The following FIBP variants were observed in gnomAD, a reference collection of about 807,000 sequenced individuals.
FIBP encodes the protein FGF1 intracellular binding protein.
FIBP carries 29 observed loss-of-function variants against 40.5 expected under a neutral mutation model. The ratio of observed to expected loss-of-function variants is 0.72; its 90% CI spans 0.53 to 0.98. The LOEUF is 0.98. Ranked by LOEUF, FIBP falls within the 50% of genes least tolerant of loss-of-function variation. The pLI, the probability that FIBP is intolerant of heterozygous loss-of-function variation, is 0.00. For missense variants in FIBP, 411 were observed against 470.2 expected (o/e 0.87, Z 1.16); for synonymous variants, 215 against 191.1 (o/e 1.13, Z -1.03).
chr11:65,885,048 G>A (rs528431626), intron 6 of FIBP, 30 bp downstream of exon 6: 6 of 1,613,462 alleles, frequency 3.7e-6, no homozygotes, highest in South Asian at 3.3e-5. Context: ...CCTACTGCAG[G>A]CCCCGCCCCA....
At chr11:65,886,474 C>T (rs544111283) in intron 3 of FIBP, 52 bp from the exon 4 acceptor site, 111 of 1,223,016 alleles carry the variant, frequency 9.1e-5, no homozygotes, top group South Asian at 4.8e-5. Context: ...TACACTGTGT[C>T]GCTCACCCAA....
intron 5 of FIBP, 91 bp from the exon 6 acceptor site, chr11:65,885,277 CT>C (rs1860206393): frequency 1.1e-5 from 13 of 1,131,954 alleles, no homozygotes; most frequent in African/African-American, 1.1e-4. Context: ...TATTTCCCCC[CT>C]GGGGACAAAA....
intron 2 of FIBP, 96 bp downstream of exon 2, chr11:65,887,838 T>C (rs1860279661): frequency 1.9e-6 from 3 of 1,591,206 alleles, no homozygotes; most frequent in African/African-American, 2.7e-5. Context: ...TTCTGATGGC[T>C]GGGTAAATCC....
In FIBP at chr11:65,884,626, C is replaced by T. The variant is rs373746184; in HGVS notation, c.850G>A (p.Ala284Thr). The T allele has an allele frequency of 3.4e-5, 55 of 1,614,148 alleles. No individual in the cohort carries two copies. In the East Asian group the frequency reaches 6.7e-4, roughly 20 times the overall value. ...NLSRGLVNVA[A>T]KLTHNKDVRD... is the part of the protein sequence containing the mutation. ...ACATCTTTATTGTGGGTCAGCTTGG[C>T]GGCCACGTTCACCAGCCCCCGGGAC... The change falls in exon 8 of 10, where the codon GCC becomes ACC. Residue 284 changes from alanine to threonine, a missense_variant. Physicochemically the swap from Ala to Thr is moderately conservative, Grantham distance 58. Transcript: ENST00000357519.
rs375624677 is a variant in FIBP, at chr11:65,883,960, C to T, written c.*14G>A. 13 of 1,612,554 alleles carry T rather than the reference C, an allele frequency of 8.1e-6. No homozygotes were observed. In the African/African-American group the frequency reaches 1.1e-4, roughly 13 times the overall value. ...AACTTTATTGTCAGCGTGGGCGGAGCGTTGGGAGGCACCTCAGTCATGATA... is the reference window on the plus strand; with the variant it reads ...AACTTTATTGTCAGCGTGGGCGGAGTGTTGGGAGGCACCTCAGTCATGATA... On this transcript the variant is annotated 3_prime_UTR_variant, in exon 10 of 10. Transcript: ENST00000357519.
Position 65,885,133 on chromosome 11 carries a change from A to G in FIBP, c.700T>C (p.Leu234=). The part of the protein sequence containing the change: ...MDLDKEFLQD[L]KELKVLVADK... ...GCCACTAGCACCTTGAGCTCCTTCA[A>G]GTCCTGGAGAAATTCCTTGTCTAAG... Residue 234 remains leucine (L), a synonymous_variant, in exon 6 of 10, where the codon TTG becomes CTG. Coordinates refer to ENST00000357519, the MANE Select transcript of FIBP (RefSeq NM_004214.5). 1 of 1,438,988 alleles carries G rather than the reference A, an allele frequency of 6.9e-7. No individual in the cohort carries two copies. Among genetic ancestry groups the G allele is most frequent in the Non-Finnish European group, 9.3e-7 (1 of 1,070,036 alleles). The allele number at this position is 1,438,988 out of a possible 1,614,324, so 89.1% of individuals were successfully genotyped here. A position where few individuals can be genotyped will look rare whatever the true frequency, so the allele number is the denominator to read the frequency against.
chr11:65,886,187 A>AAG, intron 4 of FIBP, 135 bp downstream of exon 4: 1 of 538,528 alleles, frequency 1.9e-6, no homozygotes, highest in Non-Finnish European at 3.3e-6. Flanking sequence ...AAAAAAAAAA[A>AAG]AAAGTACAGA....
intron 6 of FIBP, 21 bp from the exon 7 acceptor site, chr11:65,885,019 G>A (rs745631961): frequency 5.0e-6 from 8 of 1,613,982 alleles, no homozygotes; most frequent in African/African-American, 2.7e-5. Flanking sequence ...ACAGGGTCAC[G>A]CCTATAGCCA....
rs1236132882 is a variant in FIBP, at chr11:65,883,893, C to A, written c.*81G>T. The A allele has an allele frequency of 4.0e-6, 5 of 1,257,522 alleles. No homozygotes were observed. The highest frequency in any genetic ancestry group is 2.9e-5 in the African/African-American group (2 of 68,308). 77.9% of individuals were successfully genotyped at this position (1,257,522 alleles called of 1,614,324 possible). On this transcript the variant is annotated 3_prime_UTR_variant, in exon 10 of 10. Coordinates refer to ENST00000357519, the MANE Select transcript of FIBP (RefSeq NM_004214.5). ...GACACAGGCACATCTGCACGCCCCC[C>A]ACTTGCTCCCCGGAGCGAGGACCAG...
chr11:65,884,512 A>G, intron 8 of FIBP, 23 bp from the exon 9 acceptor site: 2 of 1,614,148 alleles, frequency 1.2e-6, no homozygotes, highest in Non-Finnish European at 1.7e-6. Context: ...GAGAATACTT[A>G]GCACTTGTAT....
In FIBP at chr11:65,887,963, C is replaced by T. The variant is rs758456440; in HGVS notation, c.255G>A (p.Pro85=). ...CGATGAGTAGTGCCTGCCGGGAGGG[C>T]GGAATCTGGAAGATGAGCTGGTGCA... ...KLLHQLIFQI[P]PSRQALLIER... The change falls in exon 2 of 10, where the codon CCG becomes CCA. Residue 85 remains proline, a synonymous_variant. Transcript: ENST00000357519. 1.9e-6 allele frequency: 3 copies of T among 1,613,518 alleles called. No individual in the cohort carries two copies. Among genetic ancestry groups the T allele is most frequent in the African/African-American group, 2.7e-5 (2 of 74,898 alleles).
chr11:65,887,493 T>A, intron 3 of FIBP, 107 bp downstream of exon 3: 5 of 1,077,502 alleles, frequency 4.6e-6, no homozygotes, highest in Non-Finnish European at 7.1e-6. Context: ...AGGAGAAGAC[T>A]AGGTATGAAG....
rs758947672 is a variant in FIBP, at chr11:65,887,634, T to G, written c.377A>C (p.Lys126Thr). Residue 126 changes from lysine (K) to threonine (T), a missense_variant, in exon 3 of 10, where the codon AAA (lysine) becomes ACA (threonine). Physicochemically the swap from Lys to Thr is moderately conservative, Grantham distance 78 (BLOSUM62 -1). Coordinates refer to ENST00000357519, the MANE Select transcript of FIBP (RefSeq NM_004214.5). ...GCAGCTCTTGAGGGTGATGCCTGTT[T>G]TGGTGCTGATGTCATCCAGGTCTTT... ...TKKDLDDISTKTGITLKSCRR... is the reference protein window; with the variant it reads ...TKKDLDDISTTTGITLKSCRR... 9.3e-6 allele frequency: 15 copies of G among 1,614,020 alleles called. No homozygotes were observed. Among genetic ancestry groups the G allele is most frequent in the African/African-American group, 1.3e-5 (1 of 74,902 alleles).
At chr11:65,887,201 C>A (rs548861140) in intron 3 of FIBP, 23 of 350,858 alleles carry the variant, frequency 6.6e-5, no homozygotes, top group Non-Finnish European at 1.3e-4. Flanking sequence ...AATGTCAGCA[C>A]TTTGGGAGGC....
intron 3 of FIBP, chr11:65,887,359 T>G: frequency 1.9e-6 from 1 of 524,374 alleles, no homozygotes. Context: ...GGCACAAGAA[T>G]TACCTGAACC....
chr11:65,885,450 C>T, intron 5 of FIBP, 80 bp downstream of exon 5: 1 of 1,544,654 alleles, frequency 6.5e-7, no homozygotes, highest in Non-Finnish European at 8.8e-7. Context: ...AACTGAGGGC[C>T]TGTGGGAGAA....
In FIBP at chr11:65,887,639, G is replaced by C. The variant is rs1013707722; in HGVS notation, c.372C>G (p.Ser124Arg). Residue 124 changes from serine to arginine, a missense_variant, in exon 3 of 10, where the codon AGC becomes AGG. Ser to Arg is a moderately radical substitution (Grantham distance 110). Coordinates refer to ENST00000357519, the MANE Select transcript of FIBP (RefSeq NM_004214.5). ...KGTKKDLDDI[S>R]TKTGITLKSC... ...TCTTGAGGGTGATGCCTGTTTTGGTGCTGATGTCATCCAGGTCTTTCTTGG... is the reference window on the plus strand; with the variant it reads ...TCTTGAGGGTGATGCCTGTTTTGGTCCTGATGTCATCCAGGTCTTTCTTGG... 1 of 1,614,136 alleles carries C rather than the reference G, an allele frequency of 6.2e-7. No homozygotes were observed. Among genetic ancestry groups the C allele is most frequent in the African/African-American group, 1.3e-5 (1 of 75,030 alleles).
chr11:65,885,807 A>G (rs553156276), intron 4 of FIBP, 144 bp from the exon 5 acceptor site: 13 of 785,166 alleles, frequency 1.7e-5, no homozygotes, highest in East Asian at 1.2e-4. Flanking sequence ...TCACTTCTCT[A>G]TGACCCTTCC....
chr11:65,886,198 C>G, intron 4 of FIBP, 124 bp downstream of exon 4: 1 of 531,202 alleles, frequency 1.9e-6, no homozygotes, highest in South Asian at 2.6e-5. Context: ...AAAGTACAGA[C>G]CAAAAGTGGG....
Sources: gnomAD v4.1 joint callset for allele counts on GRCh38, gnomAD v4.1.1 for gene constraint, MANE v1.5 for transcripts, NCBI Gene and HGNC (gene_info 2026-07-23, HGNC 2026-07-21) for gene names.